Variants in PCBP2 observed in about 807,000 individuals in gnomAD.
The protein encoded by PCBP2 is poly(rC)-binding protein 2.
Under a neutral mutation model 50.1 loss-of-function variants are expected in PCBP2, and 4 were observed. The observed-to-expected ratio is 0.08, with a 90% CI of 0.04 to 0.18. The LOEUF (loss-of-function observed/expected upper bound fraction) is 0.18. Among genes scored for constraint, PCBP2 ranks in the 10% least tolerant of loss-of-function variants. The pLI, the probability that PCBP2 is intolerant of heterozygous loss-of-function variation, is 1.00. For synonymous variants in PCBP2, 179 were observed against 168.0 expected (o/e 1.07, Z -0.51); for missense variants, 161 against 474.3 (o/e 0.34, Z 6.14).
intron 9 of PCBP2, 187 bp downstream of exon 9, chr12:53,465,039 C>CA: frequency 9.3e-6 from 5 of 536,836 alleles, no homozygotes; most frequent in Non-Finnish European, 1.4e-5. Context: ...ATGGTAACAC[C>CA]AACTTTTTTT....
At chr12:53,466,612 G>T (rs974684664) in intron 10 of PCBP2, among the ~76,000 whole-genome samples, 3 of 152,226 alleles carry the variant, frequency 2.0e-5, no homozygotes, top group East Asian at 3.9e-4. Context: ...GTTGAGTTTC[G>T]GTCTTGGTTA....
At chr12:53,467,357 C>T (rs1192159591) in intron 11 of PCBP2, 64 bp downstream of exon 11, 1 of 1,291,320 alleles carries the variant, frequency 7.7e-7, no homozygotes, top group Non-Finnish European at 1.1e-6. Context: ...GTCCCAAGGT[C>T]TCAGCTTGAC....
In PCBP2 at chr12:53,460,580, C is replaced by T. The variant is rs59274261; in HGVS notation, c.376-435C>T. ...TTTTGGGAGCGTATCGTACATGGCA[C>T]GACAGAGATCTTAATTTTGTTAATT... On this transcript the variant is annotated intron_variant, in intron 6 of 14. Transcript: ENST00000546463. The T allele has an allele frequency of 1.5e-3, 322 of 210,546 alleles. 1 individual carries two copies. Among genetic ancestry groups the T allele is most frequent in the Middle Eastern group, 6.7e-3 (14 of 2,096 alleles). The allele number at this position is 210,546 out of a possible 1,614,324, so 13.0% of individuals were successfully genotyped here.
chr12:53,455,207 G>C (rs1312232619), intron 2 of PCBP2, 140 bp from the exon 3 acceptor site: 3 of 764,334 alleles, frequency 3.9e-6, no homozygotes, highest in Non-Finnish European at 6.3e-6. Flanking sequence ...ATAGATAGCA[G>C]TCTGTTGGCT....
intron 14 of PCBP2, among the ~76,000 whole-genome samples, chr12:53,478,630 C>A (rs1942826110): frequency 6.6e-6 from 1 of 152,070 alleles, no homozygotes; most frequent in African/African-American, 2.4e-5. Flanking sequence ...CTGTTGAAGC[C>A]CCGTCTCTAC....
At chr12:53,464,949 G>A (rs1941710225) in intron 9 of PCBP2, 97 bp downstream of exon 9, 2 of 1,416,916 alleles carry the variant, frequency 1.4e-6, no homozygotes, top group Non-Finnish European at 1.8e-6. Context: ...GTGATTTTTG[G>A]TGCTGTGGAC....
Position 53,460,878 on chromosome 12 carries a change from G to T in PCBP2, c.376-137G>T, listed in dbSNP as rs997851836. 4 of 887,294 alleles carry T rather than the reference G, an allele frequency of 4.5e-6. No homozygotes were observed. The African/African-American group carries it at 5.0e-5, about 11-fold the overall frequency. 55.0% of individuals were successfully genotyped at this position (887,294 alleles called of 1,614,324 possible). A position where few individuals can be genotyped will look rare whatever the true frequency, so the allele number is the denominator to read the frequency against. The stretch of plus-strand genomic sequence containing the variant: ...CAGTCCTATCTGGAATAAGGGAAGA[G>T]TGGGACAAAGAACAAAAAGGGAAGA... On this transcript the variant is annotated intron_variant, in intron 6 of 14. Coordinates refer to ENST00000546463, the MANE Select transcript of PCBP2 (RefSeq NM_031989.5).
intron 6 of PCBP2, chr12:53,460,348 T>C: frequency 2.7e-6 from 1 of 374,380 alleles, no homozygotes; most frequent in Non-Finnish European, 5.3e-6. Context: ...TCTCACTGTT[T>C]TGCTCAGGCT....
chr12:53,458,109 A>G (rs1443643596), intron 5 of PCBP2, among the ~76,000 whole-genome samples: 2 of 150,860 alleles, frequency 1.3e-5, no homozygotes, highest in Admixed American at 6.6e-5. Flanking sequence ...TTGTATTTTT[A>G]GTAGAGACGG....
intron 10 of PCBP2, among the ~76,000 whole-genome samples, chr12:53,466,832 T>C (rs1941860542): frequency 1.3e-5 from 2 of 152,062 alleles, no homozygotes; most frequent in African/African-American, 4.8e-5. Context: ...GATGAAACCC[T>C]GCATGGTGTG....
intron 5 of PCBP2, among the ~76,000 whole-genome samples, chr12:53,456,527 T>A (rs1040263495): frequency 1.1e-4 from 17 of 152,092 alleles, no homozygotes; most frequent in Admixed American, 1.1e-3. Flanking sequence ...TATAAATAAT[T>A]TGCGTGAAAA....
At chr12:53,471,535 C>T (rs2137100829) in intron 13 of PCBP2, 103 bp from the exon 14 acceptor site, 3 of 1,161,888 alleles carry the variant, frequency 2.6e-6, no homozygotes, top group African/African-American at 1.6e-5. Flanking sequence ...CCACTGCACT[C>T]CAGCCTGGCC....
At chr12:53,456,706 C>G (rs1941044937) in intron 5 of PCBP2, among the ~76,000 whole-genome samples, 1 of 152,096 alleles carries the variant, frequency 6.6e-6, no homozygotes, top group Non-Finnish European at 1.5e-5. Flanking sequence ...GGGGAGAGAC[C>G]TAGGTTATCA....
intron 8 of PCBP2, 81 bp from the exon 9 acceptor site, chr12:53,464,679 C>A: frequency 6.5e-7 from 1 of 1,543,888 alleles, no homozygotes; most frequent in Non-Finnish European, 8.7e-7. Flanking sequence ...AAATAAACAA[C>A]TTTTTTTGTG....
chr12:53,477,614 C>T (rs576652638), intron 14 of PCBP2, among the ~76,000 whole-genome samples: 14 of 129,006 alleles, frequency 1.1e-4, no homozygotes, highest in South Asian at 7.9e-4. Flanking sequence ...TGCAGTGAGC[C>T]GAGACCGCGC....
rs998097469 is a variant in PCBP2, at chr12:53,465,831, G to A, written c.673-101G>A. The A allele has an allele frequency of 1.7e-5, 15 of 896,284 alleles. No homozygotes were observed. In the African/African-American group the frequency reaches 2.5e-4, roughly 15 times the overall value. The allele number at this position is 896,284 out of a possible 1,614,324, so 55.5% of individuals were successfully genotyped here. On this transcript the variant is annotated intron_variant, in intron 9 of 14. Transcript: ENST00000546463. The stretch of plus-strand genomic sequence containing the variant: ...AATCTCTGGCCTCCCCCATTCTCTA[G>A]TTCAACTCTGGCTTCCTGGCTAGTT...
At chr12:53,461,619 T>C (rs1292073018) in intron 7 of PCBP2, among the ~76,000 whole-genome samples, 1 of 152,242 alleles carries the variant, frequency 6.6e-6, no homozygotes, top group Non-Finnish European at 1.5e-5. Flanking sequence ...TACACTATTA[T>C]TCTATTAAAA....
rs548706003 is a variant in PCBP2, at chr12:53,461,715, CGT to C, written c.504+588_504+589del. Among the ~76,000 whole-genome samples, 155 of 150,694 alleles carry C rather than the reference CGT, an allele frequency of 1.0e-3. No individual in the cohort carries two copies. The East Asian group carries it at 0.011, about 10-fold the overall frequency. ...TGGTGAGAAATGAAACGAATTTTTT[CGT>C]GTGTGTGTGTGTGTGACGGGTTCAC... is the stretch of plus-strand genomic sequence containing the variant. On this transcript the variant is annotated intron_variant, in intron 7 of 14. Transcript: ENST00000546463.
intron 13 of PCBP2, among the ~76,000 whole-genome samples, chr12:53,471,265 C>T (rs1057001490): frequency 2.0e-5 from 3 of 149,890 alleles, no homozygotes; most frequent in South Asian, 2.1e-4. Context: ...AGCAACATAG[C>T]GAGACCCTCG....
Sources: allele counts gnomAD v4.1 joint callset (sites outside exome capture counted in the v4.1 genomes callset), GRCh38; gene constraint gnomAD v4.1.1; transcripts MANE v1.5; gene names NCBI Gene and HGNC (gene_info 2026-07-23, HGNC 2026-07-21).